Variants in SH3GL2 observed in about 807,000 individuals in gnomAD.
SH3GL2 encodes endophilin-A1.
In SH3GL2, 24 loss-of-function variants were observed where a neutral mutation model predicts 46.0. That is an observed-to-expected ratio of 0.52 (90% CI 0.38 to 0.73). The LOEUF (loss-of-function observed/expected upper bound fraction) is 0.73. SH3GL2 is among the 30% of genes least tolerant of loss of function. The pLI is 0.00. For missense variants in SH3GL2, 413 were observed against 424.2 expected (o/e 0.97, Z 0.23); for synonymous variants, 196 against 147.1 (o/e 1.33, Z -2.40).
chr9:17,656,606 A>C (rs1166412121), intron 1 of SH3GL2, among the ~76,000 whole-genome samples: 3 of 152,050 alleles, frequency 2.0e-5, no homozygotes, highest in African/African-American at 4.8e-5. Flanking sequence ...TAGTCATGCA[A>C]AGAAGAAATA....
chr9:17,769,102 T>C (rs144676802), intron 3 of SH3GL2, among the ~76,000 whole-genome samples: 29 of 152,304 alleles, frequency 1.9e-4, no homozygotes, highest in Non-Finnish European at 3.5e-4. Context: ...TGTCACCTAA[T>C]TTGTGCAGCT....
intron 1 of SH3GL2, among the ~76,000 whole-genome samples, chr9:17,687,751 G>A (rs16935877): frequency 0.13 from 20,476 of 151,994 alleles, 1,967 homozygotes; most frequent in African/African-American, 0.25. Context: ...TGCTGACTCT[G>A]ATAATCATAC....
chr9:17,635,806 C>G (rs762110347), intron 1 of SH3GL2, among the ~76,000 whole-genome samples: 1 of 152,164 alleles, frequency 6.6e-6, no homozygotes, highest in Non-Finnish European at 1.5e-5. Flanking sequence ...TCCTAAGGCT[C>G]TCTGAGGATT....
chr9:17,748,549 A>G (rs1822756344), intron 2 of SH3GL2, among the ~76,000 whole-genome samples: 1 of 152,006 alleles, frequency 6.6e-6, no homozygotes, highest in Non-Finnish European at 1.5e-5. Context: ...GGTATTCATT[A>G]GTGTAGTGTG....
chr9:17,725,867 G>C (rs1298062540), intron 1 of SH3GL2, among the ~76,000 whole-genome samples: 1 of 152,112 alleles, frequency 6.6e-6, no homozygotes, highest in African/African-American at 2.4e-5. Flanking sequence ...GCCCCTTTCA[G>C]GTGAAACTCT....
At chr9:17,709,134 A>G (rs79275879) in intron 1 of SH3GL2, among the ~76,000 whole-genome samples, 2,636 of 152,132 alleles carry the variant, frequency 0.017, 35 homozygotes, top group South Asian at 0.031. Flanking sequence ...CTGCTGATCT[A>G]TGATTCTCTA....
intron 1 of SH3GL2, among the ~76,000 whole-genome samples, chr9:17,653,706 C>G (rs1820006166): frequency 6.6e-6 from 1 of 152,078 alleles, no homozygotes; most frequent in African/African-American, 2.4e-5. Flanking sequence ...GAGACCATTC[C>G]TTTGTGTACT....
At chr9:17,718,055 C>T (rs1224274468) in intron 1 of SH3GL2, among the ~76,000 whole-genome samples, 1 of 152,070 alleles carries the variant, frequency 6.6e-6, no homozygotes, top group Non-Finnish European at 1.5e-5. Flanking sequence ...AGTGAATTCT[C>T]ACATGAATTC....
chr9:17,611,657 A>G (rs977961283), intron 1 of SH3GL2, among the ~76,000 whole-genome samples: 1 of 152,348 alleles, frequency 6.6e-6, no homozygotes, highest in African/African-American at 2.4e-5. Context: ...TGAGACATGG[A>G]CTAAAGCTTT....
intron 3 of SH3GL2, among the ~76,000 whole-genome samples, chr9:17,777,238 A>G (rs758160539): frequency 6.6e-5 from 10 of 152,358 alleles, no homozygotes; most frequent in Non-Finnish European, 1.3e-4. Context: ...TCTTTCAAAC[A>G]TAACTTTTTA....
intron 1 of SH3GL2, among the ~76,000 whole-genome samples, chr9:17,592,638 G>T (rs1039119618): frequency 1.4e-4 from 21 of 152,238 alleles, no homozygotes; most frequent in Admixed American, 1.1e-3. Flanking sequence ...AAATTAGAAT[G>T]GAAGAAGAAT....
At chr9:17,750,082 A>C (rs1342847999) in intron 2 of SH3GL2, among the ~76,000 whole-genome samples, 1 of 152,046 alleles carries the variant, frequency 6.6e-6, no homozygotes, top group East Asian at 1.9e-4. Context: ...CAAATTTTGC[A>C]CCCTCCACTC....
intron 1 of SH3GL2, among the ~76,000 whole-genome samples, chr9:17,599,413 G>C (rs2208487): frequency 0.72 from 108,806 of 152,160 alleles, 42,050 homozygotes; most frequent in Non-Finnish European, 0.86. Flanking sequence ...CAAGGGTACA[G>C]TGCCAAATGG....
chr9:17,632,744 T>G (rs1342379897), intron 1 of SH3GL2, among the ~76,000 whole-genome samples: 1 of 152,122 alleles, frequency 6.6e-6, no homozygotes, highest in East Asian at 1.9e-4. Flanking sequence ...ACAGGCAAGC[T>G]TTTAGCTTTA....
At chr9:17,713,076 T>C (rs1430266797) in intron 1 of SH3GL2, among the ~76,000 whole-genome samples, 1 of 151,438 alleles carries the variant, frequency 6.6e-6, no homozygotes, top group Non-Finnish European at 1.5e-5. Context: ...GTGCTGGGTT[T>C]TTTTTTTTAA....
intron 1 of SH3GL2, among the ~76,000 whole-genome samples, chr9:17,675,105 AT>A (rs1332323874): frequency 6.6e-6 from 1 of 152,134 alleles, no homozygotes. Context: ...TTTTTTGTAC[AT>A]TGTTGTGGTA....
At chr9:17,739,044 G>A (rs969107539) in intron 1 of SH3GL2, among the ~76,000 whole-genome samples, 2 of 152,124 alleles carry the variant, frequency 1.3e-5, no homozygotes, top group African/African-American at 4.8e-5. Context: ...TAGTTGTAAC[G>A]TATCTTAGAA....
At chr9:17,606,654 C>G (rs1001216529) in intron 1 of SH3GL2, among the ~76,000 whole-genome samples, 1 of 152,146 alleles carries the variant, frequency 6.6e-6, no homozygotes, top group African/African-American at 2.4e-5. Context: ...ACTTGATGTT[C>G]TCTGATGAAG....
chr9:17,750,859 C>T (rs1822820756), intron 2 of SH3GL2, among the ~76,000 whole-genome samples: 1 of 152,122 alleles, frequency 6.6e-6, no homozygotes, highest in African/African-American at 2.4e-5. Flanking sequence ...CTTCAAGGGG[C>T]TTCCAGTTTT....
Sources: allele counts gnomAD v4.1 joint callset (sites outside exome capture counted in the v4.1 genomes callset), GRCh38; gene constraint gnomAD v4.1.1; transcripts MANE v1.5; gene names NCBI Gene and HGNC (gene_info 2026-07-23, HGNC 2026-07-21).